The following SWT1 variants were observed in gnomAD, a reference collection of about 807,000 sequenced individuals.
The protein encoded by SWT1 is transcriptional protein SWT1.
SWT1 carries 33 observed loss-of-function variants against 107.3 expected under a neutral mutation model. The ratio of observed to expected loss-of-function variants is 0.31; its 90% CI spans 0.23 to 0.41. The LOEUF (loss-of-function observed/expected upper bound fraction) is 0.41, where lower values mean the gene tolerates loss of function less well. SWT1 is among the 10% of genes least tolerant of loss of function. The pLI, the probability that SWT1 is intolerant of heterozygous loss-of-function variation, is 1.00. For missense variants in SWT1, 898 were observed against 1,028.9 expected (o/e 0.87, Z 1.74); for synonymous variants, 345 against 348.3 (o/e 0.99, Z 0.11).
chr1:185,217,607 C>T (rs531460361), intron 14 of SWT1, among the ~76,000 whole-genome samples: 17 of 151,988 alleles, frequency 1.1e-4, no homozygotes, highest in African/African-American at 4.1e-4. Context: ...CTCCCTTCCT[C>T]CCTTCCTCTC....
At chr1:185,279,915 T>C (rs1327163445) in intron 18 of SWT1, among the ~76,000 whole-genome samples, 3 of 152,152 alleles carry the variant, frequency 2.0e-5, no homozygotes, top group Non-Finnish European at 4.4e-5. Context: ...TTTTGTTTTT[T>C]TTAAAGCATT....
Position 185,168,399 on chromosome 1 carries a change from G to A in SWT1, c.224+1G>A. 1 of 1,372,960 alleles carries A rather than the reference G, an allele frequency of 7.3e-7. No homozygotes were observed. The highest frequency in any genetic ancestry group is 1.4e-5 in the South Asian group (1 of 71,564). 85.0% of individuals were successfully genotyped at this position (1,372,960 alleles called of 1,614,324 possible). A position where few individuals can be genotyped will look rare whatever the true frequency, so the allele number is the denominator to read the frequency against. On this transcript the variant is annotated splice_donor_variant, in intron 4 of 18. Transcript: ENST00000367500. LOFTEE classifies it high-confidence loss of function. The stretch of plus-strand genomic sequence containing the variant: ...TAAAAAGAAGACAAGGACTGAAAAG[G>A]TAAATTTCTCCTTTTTCTTTTTACT...
intron 16 of SWT1, among the ~76,000 whole-genome samples, chr1:185,269,130 G>A (rs892279207): frequency 6.6e-6 from 1 of 152,136 alleles, no homozygotes; most frequent in Non-Finnish European, 1.5e-5. Context: ...GGGATAACAG[G>A]CGTGAGCCAC....
chr1:185,238,716 A>AT (rs991404610), intron 16 of SWT1, among the ~76,000 whole-genome samples: 61 of 149,196 alleles, frequency 4.1e-4, no homozygotes, highest in Middle Eastern at 6.9e-3. Context: ...AAAATTGTGA[A>AT]TTTTTTTTTT....
chr1:185,257,344 G>T (rs1334420759), intron 16 of SWT1, among the ~76,000 whole-genome samples: 4 of 152,118 alleles, frequency 2.6e-5, no homozygotes, highest in Admixed American at 6.5e-5. Flanking sequence ...GTTTACCTAA[G>T]CAAGCCTGGG....
chr1:185,259,560 C>T (rs1011589980), intron 16 of SWT1, among the ~76,000 whole-genome samples: 1 of 152,118 alleles, frequency 6.6e-6, no homozygotes, highest in East Asian at 1.9e-4. Flanking sequence ...AGATCAGTAA[C>T]TGTCAACTGA....
At chr1:185,287,816 C>T (rs995051160) in intron 18 of SWT1, among the ~76,000 whole-genome samples, 5 of 152,148 alleles carry the variant, frequency 3.3e-5, no homozygotes, top group Admixed American at 6.6e-5. Context: ...CCAGTGATGA[C>T]GGAACTTGCT....
At chr1:185,170,375 G>A (rs542966824) in intron 4 of SWT1, among the ~76,000 whole-genome samples, 2 of 152,236 alleles carry the variant, frequency 1.3e-5, no homozygotes, top group South Asian at 4.1e-4. Context: ...GCCTTTGTAC[G>A]CACTGAGGCA....
At chr1:185,183,392 G>A (rs1394490693) in intron 7 of SWT1, among the ~76,000 whole-genome samples, 1 of 151,978 alleles carries the variant, frequency 6.6e-6, no homozygotes, top group Admixed American at 6.6e-5. Flanking sequence ...CCAGGTTCAA[G>A]CAATTCTCCT....
At chr1:185,241,102 T>A (rs1301744562) in intron 16 of SWT1, among the ~76,000 whole-genome samples, 1 of 152,144 alleles carries the variant, frequency 6.6e-6, no homozygotes, top group Non-Finnish European at 1.5e-5. Context: ...CATCCTTTAC[T>A]TTACACAAAG....
chr1:185,241,342 C>T (rs1304445677), intron 16 of SWT1, among the ~76,000 whole-genome samples: 1 of 151,990 alleles, frequency 6.6e-6, no homozygotes, highest in Non-Finnish European at 1.5e-5. Flanking sequence ...GAGGCTTGGC[C>T]TTTTCACCCT....
chr1:185,237,699 A>AAATAAT (rs59997490), intron 16 of SWT1, among the ~76,000 whole-genome samples: 9,418 of 151,938 alleles, frequency 0.062, 647 homozygotes, highest in East Asian at 0.18. Context: ...AAGTATAATA[A>AAATAAT]AATAATAATA....
chr1:185,166,578 A>C lies in SWT1; in HGVS notation c.91A>C (p.Lys31Gln), dbSNP rs776967229. 1.3e-6 allele frequency: 2 copies of C among 1,596,280 alleles called. No individual in the cohort carries two copies. The highest frequency in any genetic ancestry group is 2.7e-5 in the African/African-American group (2 of 74,198). Reference protein sequence around the residue: ...SSPNFGEKDKKERKTPASSTS... With the variant: ...SSPNFGEKDKQERKTPASSTS... ...TTCTTTATTGCATTCTTAGGACAAG[A>C]AAGAGAGAAAAACCCCAGCAAGTTC... Residue 31 changes from lysine (K) to glutamine (Q), a missense_variant, in exon 3 of 19, where the codon AAA (lysine) becomes CAA (glutamine). Lys to Gln is a moderately conservative substitution (Grantham distance 53). Around this residue, in one of 6 missense-constraint regions of SWT1, gnomAD observed 382 missense variants for 362.4 expected, o/e 1.05. Transcript: ENST00000367500.
At chr1:185,177,175 G>A (rs1655642111) in intron 5 of SWT1, among the ~76,000 whole-genome samples, 1 of 152,132 alleles carries the variant, frequency 6.6e-6, no homozygotes, top group South Asian at 2.1e-4. Flanking sequence ...TTAAAGGAAA[G>A]AACCTCCAGT....
intron 15 of SWT1, chr1:185,227,594 A>G: frequency 2.0e-6 from 1 of 508,492 alleles, no homozygotes; most frequent in Non-Finnish European, 3.7e-6. Context: ...TATTATCACC[A>G]AGCGTTTCCA....
rs375965139 is a variant in SWT1 at position 185,202,742 on chromosome 1, T to C, written c.1612T>C (p.Ser538Pro). ...EELSAELLHL[S>P]LNTDVCHQPC... is the part of the protein sequence containing the mutation. Reference sequence around the variant, plus strand: ...ATTGAGTGCAGAGTTATTACACTTATCTCTGAACACAGATGTGTGTCATCA... The same window carrying C: ...ATTGAGTGCAGAGTTATTACACTTACCTCTGAACACAGATGTGTGTCATCA... Residue 538 changes from serine to proline, a missense_variant, in exon 11 of 19, where the codon TCT (serine) becomes CCT (proline). Physicochemically the swap from Ser to Pro is moderately conservative, Grantham distance 74. Around this residue, in one of 6 missense-constraint regions of SWT1, gnomAD observed 382 missense variants for 460.0 expected, o/e 0.83. Transcript: ENST00000367500. 47 of 1,598,870 alleles carry C rather than the reference T, an allele frequency of 2.9e-5. No homozygotes were observed. The African/African-American group carries it at 4.3e-4, about 15-fold the overall frequency.
intron 16 of SWT1, among the ~76,000 whole-genome samples, chr1:185,258,564 C>G (rs752889656): frequency 2.6e-5 from 4 of 151,848 alleles, no homozygotes; most frequent in Non-Finnish European, 5.9e-5. Context: ...TGCTTTCATT[C>G]TTGATTGATA....
At position 185,174,903 on chromosome 1, in the gene SWT1, C is replaced by A. The variant is rs1571415929; in HGVS notation, c.756C>A (p.Val252=). The part of the protein sequence containing the change: ...DTLQKLVEEN[V]FNIDSNNSKT... ...TCCAGAAACTTGTAGAAGAAAATGTCTTCAACATAGATTCTAATAATTCGA... is the reference window on the plus strand; with the variant it reads ...TCCAGAAACTTGTAGAAGAAAATGTATTCAACATAGATTCTAATAATTCGA... The change falls in exon 5 of 19, where the codon GTC becomes GTA. Residue 252 remains valine, a synonymous_variant. Transcript: ENST00000367500. The A allele has an allele frequency of 4.3e-6, 7 of 1,613,928 alleles. No homozygotes were observed. In the East Asian group the frequency reaches 1.6e-4, roughly 36 times the overall value.
chr1:185,276,911 A>T (rs1199893537), intron 18 of SWT1, among the ~76,000 whole-genome samples: 2 of 152,172 alleles, frequency 1.3e-5, no homozygotes, highest in Admixed American at 1.3e-4. Context: ...TACATTTTTT[A>T]AAATTATCGA....
Sources: gnomAD v4.1 joint callset for allele counts (sites outside exome capture counted in the v4.1 genomes callset) on GRCh38, gnomAD v4.1.1 for gene constraint, gnomAD v4.1.1 regional missense constraint, MANE v1.5 for transcripts, NCBI Gene and HGNC (gene_info 2026-07-23, HGNC 2026-07-21) for gene names.